Variants in WDR88 observed in about 807,000 individuals in gnomAD.
The protein encoded by WDR88 is WD repeat domain 88, also known as WD repeat-containing protein 88.
A neutral mutation model predicts 46.8 loss-of-function variants in WDR88; 40 were observed. The ratio of observed to expected loss-of-function variants is 0.86; its 90% CI spans 0.66 to 1.11. The LOEUF is 1.11. Among genes scored for constraint, WDR88 ranks in the 50% most tolerant of loss-of-function variants. The pLI is 0.00. For synonymous variants in WDR88, 235 were observed against 240.7 expected (o/e 0.98, Z 0.22); for missense variants, 562 against 602.4 (o/e 0.93, Z 0.70).
At chr19:33,168,860 G>A (rs972584862) in intron 9 of WDR88, among the ~76,000 whole-genome samples, 1 of 152,180 alleles carries the variant, frequency 6.6e-6, no homozygotes, top group Non-Finnish European at 1.5e-5. Context: ...TTCTGACTTT[G>A]AAGTTACTAC....
chr19:33,156,621 A>G, intron 7 of WDR88, 79 bp downstream of exon 7: 1 of 1,465,292 alleles, frequency 6.8e-7, no homozygotes, highest in Non-Finnish European at 9.1e-7. Context: ...TCAAATGGAC[A>G]GAGAGGCAAT....
intron 9 of WDR88, among the ~76,000 whole-genome samples, chr19:33,170,872 A>G (rs1974027429): frequency 6.6e-6 from 1 of 152,098 alleles, no homozygotes; most frequent in African/African-American, 2.4e-5. Flanking sequence ...AAAAAAAGAG[A>G]AAAAAAGAAA....
At chr19:33,139,649 A>T (rs1456717467) in intron 2 of WDR88, among the ~76,000 whole-genome samples, 2 of 152,200 alleles carry the variant, frequency 1.3e-5, no homozygotes, top group African/African-American at 4.8e-5. Flanking sequence ...GGTACAGGCA[A>T]AAGGATTTAA....
In WDR88 at chr19:33,142,068, C is replaced by T. The variant is rs532147281; in HGVS notation, c.388-2776C>T. Among the ~76,000 whole-genome samples, 41 of 152,136 alleles carry T rather than the reference C, an allele frequency of 2.7e-4. 1 individual carries two copies. In the South Asian group the frequency reaches 8.5e-3, roughly 32 times the overall value. On this transcript the variant is annotated intron_variant, in intron 2 of 10. Transcript: ENST00000355868. ...CTGGAAACGGGGTCAGTGGGTGAGG[C>T]AGAGAGGGGAGGCCAGGGGAGATTT...
intron 8 of WDR88, among the ~76,000 whole-genome samples, chr19:33,162,881 C>CA (rs11385439): frequency 0.53 from 79,719 of 151,478 alleles, 25,533 homozygotes; most frequent in African/African-American, 0.88. Flanking sequence ...GACCCTGTGT[C>CA]AAATAAAAAT....
chr19:33,171,836 C>T (rs7250201), intron 9 of WDR88, among the ~76,000 whole-genome samples: 23,618 of 152,084 alleles, frequency 0.16, 2,085 homozygotes, highest in East Asian at 0.31. Flanking sequence ...TGCAGTGGTG[C>T]GATCTTGGCT....
intron 9 of WDR88, 144 bp downstream of exon 9, chr19:33,164,409 T>C (rs2145415418): frequency 4.1e-6 from 3 of 728,704 alleles, no homozygotes; most frequent in Admixed American, 2.2e-5. Flanking sequence ...TGCCTGGGAA[T>C]GTGGACAGCA....
At position 33,156,558 on chromosome 19, in the gene WDR88, G is replaced by T; in HGVS notation, c.997+16G>T. 1.2e-6 allele frequency: 2 copies of T among 1,606,680 alleles called. No individual in the cohort carries two copies. The highest frequency in any genetic ancestry group is 2.2e-5 in the South Asian group (2 of 90,578). On this transcript the variant is annotated intron_variant, in intron 7 of 10. Coordinates refer to ENST00000355868, the MANE Select transcript of WDR88 (RefSeq NM_173479.4). ...GCCAGAGACAGTGAGTAATTAACAT[G>T]CAGAAGGCCTCCATTCCTGTGGGAG... is the stretch of plus-strand genomic sequence containing the variant.
chr19:33,172,274 A>C, intron 9 of WDR88, 74 bp from the exon 10 acceptor site: 4 of 1,279,026 alleles, frequency 3.1e-6, no homozygotes, highest in Non-Finnish European at 4.5e-6. Context: ...ATGTCTTTTG[A>C]TTGTTGAATG....
chr19:33,171,187 T>C (rs1487037284), intron 9 of WDR88, among the ~76,000 whole-genome samples: 2 of 152,170 alleles, frequency 1.3e-5, no homozygotes, highest in Admixed American at 1.3e-4. Flanking sequence ...AGTTTCGCCA[T>C]GTTGGCCAGG....
At chr19:33,138,805 C>T (rs142492277) in intron 2 of WDR88, among the ~76,000 whole-genome samples, 2,086 of 151,806 alleles carry the variant, frequency 0.014, 20 homozygotes, top group Non-Finnish European at 0.023. Flanking sequence ...GCCTCAGCCT[C>T]CCTAGTAGCT....
rs116680138 is a variant in WDR88, at chr19:33,175,399, G to A, written c.1246G>A (p.Glu416Lys). The change falls in exon 11 of 11, where the codon GAA (glutamate) becomes AAA (lysine). Residue 416 changes from glutamate (E) to lysine (K), a missense_variant. Transcript: ENST00000355868. ...CTTTTAAAATATCCCATGTCAGTGC[G>A]AAAGATGTGACAGGCCTTTCTCCAT... The part of the protein sequence containing the change: ...KAVGLKLKQC[E>K]RCDRPFSIFK... 448 of 1,614,052 alleles carry A rather than the reference G, an allele frequency of 2.8e-4. 2 individuals are homozygous for A. In the African/African-American group the frequency reaches 5.6e-3, roughly 20 times the overall value.
intron 10 of WDR88, chr19:33,174,856 T>C: frequency 2.0e-6 from 2 of 976,738 alleles, no homozygotes; most frequent in Non-Finnish European, 2.4e-6. Flanking sequence ...GCAGGAGACA[T>C]GAGCTGGCAG....
chr19:33,174,312 CT>C (rs1889197903), intron 10 of WDR88: 1 of 1,521,850 alleles, frequency 6.6e-7, no homozygotes, highest in African/African-American at 1.4e-5. Flanking sequence ...GTTTACCCCC[CT>C]CTCCAGCAGG....
In WDR88 at chr19:33,134,849, C is replaced by G. The variant is rs922386430; in HGVS notation, c.276+2404C>G. 7.9e-5 allele frequency among the ~76,000 whole-genome samples: 11 copies of G among 139,258 alleles called. 1 individual carries two copies. Among genetic ancestry groups the G allele is most frequent in the African/African-American group, 1.8e-4 (7 of 39,186 alleles). 91.4% of individuals were successfully genotyped at this position (139,258 alleles called of 152,430 possible). ...CCTGCACGTCCCCGACACCCCCCCC[C>G]CCGCCCCGCATCACCTGCAACCGGA... On this transcript the variant is annotated intron_variant, in intron 1 of 10. Transcript: ENST00000355868.
At chr19:33,149,690 G>C (rs1260661560) in intron 5 of WDR88, among the ~76,000 whole-genome samples, 3 of 150,616 alleles carry the variant, frequency 2.0e-5, no homozygotes, top group Non-Finnish European at 4.4e-5. Context: ...ATGGAGTCTT[G>C]CTCTGTCTCC....
chr19:33,161,129 T>A (rs11881284), intron 8 of WDR88, among the ~76,000 whole-genome samples: 1 of 152,096 alleles, frequency 6.6e-6, no homozygotes, highest in East Asian at 2.0e-4. Context: ...GCCAAGATTG[T>A]GCCACTGCAC....
At position 33,132,344 on chromosome 19, in the gene WDR88, G is replaced by T. The variant is rs1445461024; in HGVS notation, c.175G>T (p.Asp59Tyr). Residue 59 changes from aspartate (D) to tyrosine (Y), a missense_variant, in exon 1 of 11, where the codon GAC becomes TAC. By Grantham distance (160) the Asp-to-Tyr change is radical. Coordinates refer to ENST00000355868, the MANE Select transcript of WDR88 (RefSeq NM_173479.4). ...GCACACGCACCTGCTGGCCACCCTC[G>T]ACCCCCTGGCCTTGGACAGGGAACC... ...IPHTHLLATL[D>Y]PLALDREPPP... 1.2e-6 allele frequency: 2 copies of T among 1,614,084 alleles called. No individual in the cohort carries two copies. Among genetic ancestry groups the T allele is most frequent in the Non-Finnish European group, 8.5e-7 (1 of 1,180,006 alleles).
Position 33,152,162 on chromosome 19 carries a change from G to A in WDR88, c.809+852G>A, listed in dbSNP as rs150465561. Reference sequence around the variant, plus strand: ...AAGGAGAATAGCTTGAATCCGGGAGGTGGAGGTTGCAGTGAGCCAAGATTG... The same window carrying A: ...AAGGAGAATAGCTTGAATCCGGGAGATGGAGGTTGCAGTGAGCCAAGATTG... On this transcript the variant is annotated intron_variant, in intron 6 of 10. Coordinates refer to ENST00000355868, the MANE Select transcript of WDR88 (RefSeq NM_173479.4). Among the ~76,000 whole-genome samples the A allele has an allele frequency of 8.4e-3, 1,281 of 151,998 alleles. 11 individuals are homozygous for A. Among genetic ancestry groups the A allele is most frequent in the Middle Eastern group, 0.034 (10 of 294 alleles).
Sources: gnomAD v4.1 joint callset for allele counts (sites outside exome capture counted in the v4.1 genomes callset) on GRCh38, gnomAD v4.1.1 for gene constraint, MANE v1.5 for transcripts, NCBI Gene and HGNC (gene_info 2026-07-23, HGNC 2026-07-21) for gene names.